Variants in AR observed in about 807,000 individuals in gnomAD.
AR encodes androgen receptor.
Under a neutral mutation model 53.9 loss-of-function variants are expected in AR, and 8 were observed. The observed-to-expected ratio is 0.15, with a 90% CI of 0.09 to 0.27. The LOEUF (loss-of-function observed/expected upper bound fraction) is 0.27. Ranked by LOEUF, AR falls within the 10% of genes least tolerant of loss-of-function variation. The probability of loss-of-function intolerance (pLI) is 1.00; values close to 1 mark genes in which losing one functional copy is unlikely to be tolerated. For missense variants in AR, 639 were observed against 742.5 expected, an observed-to-expected ratio of 0.86 and a Z score of 1.62; for synonymous variants, 359 against 316.4, an observed-to-expected ratio of 1.13 and a Z score of -1.43.
At chrX:67,652,063 C>A (rs1393247780) in intron 2 of AR, among the ~76,000 whole-genome samples, 3 of 111,641 alleles carry the variant, frequency 2.7e-5, no homozygotes, top group African/African-American at 9.8e-5. Flanking sequence ...GCAGAGCATC[C>A]CACGGAGTGT....
At chrX:67,585,757 G>A (rs1922512185) in intron 1 of AR, among the ~76,000 whole-genome samples, 1 of 112,041 alleles carries the variant, frequency 8.9e-6, no homozygotes, top group South Asian at 3.6e-4. Flanking sequence ...TCATGGCAGT[G>A]CATGGACAGT....
At chrX:67,600,856 C>G in intron 1 of AR, among the ~76,000 whole-genome samples, 1 of 110,458 alleles carries the variant, frequency 9.1e-6, no homozygotes, top group Non-Finnish European at 1.9e-5. Context: ...TTAAAAAAAA[C>G]TGTGCATTAA....
intron 2 of AR, among the ~76,000 whole-genome samples, chrX:67,643,850 G>A (rs1174403104): frequency 2.7e-5 from 3 of 111,450 alleles, no homozygotes; most frequent in Non-Finnish European, 5.7e-5. Flanking sequence ...TCCTGGCCTC[G>A]GCCCCAGAAA....
At chrX:67,584,911 C>T (rs1922464222) in intron 1 of AR, among the ~76,000 whole-genome samples, 1 of 111,342 alleles carries the variant, frequency 9.0e-6, no homozygotes, top group African/African-American at 3.3e-5. Context: ...ACAGTAGCCT[C>T]ACTAGGATCA....
intron 1 of AR, among the ~76,000 whole-genome samples, chrX:67,549,506 G>T (rs1233469258): frequency 8.9e-6 from 1 of 112,022 alleles, no homozygotes; most frequent in African/African-American, 3.3e-5. Context: ...AATAAAAAGT[G>T]ATGGGGCTTG....
intron 4 of AR, among the ~76,000 whole-genome samples, chrX:67,714,450 C>T (rs2147527749): frequency 8.9e-6 from 1 of 111,850 alleles, no homozygotes; most frequent in Admixed American, 9.5e-5. Flanking sequence ...CCTAGAAGCT[C>T]ATGCATGGAC....
chrX:67,627,596 A>G (rs1254114846), intron 1 of AR, among the ~76,000 whole-genome samples: 2 of 111,335 alleles, frequency 1.8e-5, no homozygotes, highest in South Asian at 7.6e-4. Context: ...GTTCAATCTG[A>G]TGGTAGTTTC....
intron 1 of AR, among the ~76,000 whole-genome samples, chrX:67,631,905 G>A (rs951673209): frequency 8.9e-6 from 1 of 112,883 alleles, no homozygotes; most frequent in Non-Finnish European, 1.9e-5. Flanking sequence ...GCCGTGTGAG[G>A]TGTCAGTCTG....
rs771875510 is a variant in AR, at chrX:67,684,911, C to A, written c.1769-1099C>A. Among the ~76,000 whole-genome samples the A allele has an allele frequency of 9.9e-5, 11 of 110,678 alleles. No individual in the cohort carries two copies. The South Asian group carries it at 2.7e-3, about 27-fold the overall frequency. ...TCAAATATCAATCACTCTTTAGTTT[C>A]TCTTTCTTTTTCCGACCACAAGCAT... On this transcript the variant is annotated intron_variant, in intron 2 of 7. Coordinates refer to ENST00000374690, the MANE Select transcript of AR (RefSeq NM_000044.6).
rs761579430 is a variant in AR, at chrX:67,597,677, C to G, written c.1617-45579C>G. Among the ~76,000 whole-genome samples the G allele has an allele frequency of 2.3e-4, 26 of 111,931 alleles. No homozygotes were observed. In the South Asian group the frequency reaches 9.7e-3, roughly 42 times the overall value. The stretch of plus-strand genomic sequence containing the variant: ...CATACTGGCCTATGGACTATCTGCT[C>G]ACTGCCCTGATAACTATTTTCCAAG... On this transcript the variant is annotated intron_variant, in intron 1 of 7. Transcript: ENST00000374690.
At chrX:67,606,196 G>A (rs1923616881) in intron 1 of AR, among the ~76,000 whole-genome samples, 1 of 111,316 alleles carries the variant, frequency 9.0e-6, no homozygotes, top group Non-Finnish European at 1.9e-5. Context: ...GACTAGCATA[G>A]AGCTATGCTA....
chrX:67,560,854 C>A (rs1008694126), intron 1 of AR, among the ~76,000 whole-genome samples: 1 of 111,491 alleles, frequency 9.0e-6, no homozygotes, highest in African/African-American at 3.3e-5. Flanking sequence ...TTCTCAACCT[C>A]CCAACCCAAG....
At chrX:67,685,499 GT>G (rs1470956408) in intron 2 of AR, among the ~76,000 whole-genome samples, 1 of 111,400 alleles carries the variant, frequency 9.0e-6, no homozygotes, top group Admixed American at 9.6e-5. Context: ...TCTAAAAACA[GT>G]TAGAAATCCC....
At chrX:67,660,487 T>A (rs1926839227) in intron 2 of AR, among the ~76,000 whole-genome samples, 1 of 111,982 alleles carries the variant, frequency 8.9e-6, no homozygotes, top group South Asian at 3.8e-4. Context: ...TCCCCATTTC[T>A]TGTTTTTGTC....
intron 3 of AR, among the ~76,000 whole-genome samples, chrX:67,691,371 T>A (rs768823418): frequency 5.3e-5 from 6 of 112,287 alleles, no homozygotes; most frequent in Non-Finnish European, 1.1e-4. Context: ...TTCCATGACA[T>A]GTTCCATGAA....
At chrX:67,660,749 A>G (rs1228982031) in intron 2 of AR, among the ~76,000 whole-genome samples, 1 of 111,853 alleles carries the variant, frequency 8.9e-6, no homozygotes, top group Non-Finnish European at 1.9e-5. Flanking sequence ...ATTTCTGTGA[A>G]GAAAGTCATG....
intron 5 of AR, 27 bp downstream of exon 5, chrX:67,717,649 A>C: frequency 8.3e-7 from 1 of 1,210,636 alleles, no homozygotes; most frequent in South Asian, 1.8e-5. Flanking sequence ...CCCAGACCTC[A>C]CTAAAATACA....
At chrX:67,696,726 CCTCA>C (rs1358697825) in intron 3 of AR, among the ~76,000 whole-genome samples, 1 of 111,079 alleles carries the variant, frequency 9.0e-6, no homozygotes, top group Non-Finnish European at 1.9e-5. Context: ...CCTACTAATC[CCTCA>C]CTCCATACCT....
intron 3 of AR, among the ~76,000 whole-genome samples, chrX:67,701,986 A>T (rs2076044548): frequency 1.8e-5 from 2 of 111,078 alleles, no homozygotes; most frequent in South Asian, 7.7e-4. Flanking sequence ...CCCACTCCTC[A>T]ACTCTGCTTT....
Sources: gnomAD v4.1 joint callset for allele counts (sites outside exome capture counted in the v4.1 genomes callset) on GRCh38, gnomAD v4.1.1 for gene constraint, MANE v1.5 for transcripts, NCBI Gene and HGNC (gene_info 2026-07-23, HGNC 2026-07-21) for gene names.